PCDHGB6: variants seen among roughly 807,000 people sequenced by gnomAD.
The protein encoded by PCDHGB6 is protocadherin gamma-B6.
In PCDHGB6, 51 loss-of-function variants were observed where a neutral mutation model predicts 59.1. That is an observed-to-expected ratio of 0.86 (90% confidence interval 0.69 to 1.09). The LOEUF (loss-of-function observed/expected upper bound fraction) is 1.09. Ranked by LOEUF, PCDHGB6 falls within the 50% of genes least tolerant of loss-of-function variation. PCDHGB6 has a pLI of 0.00. For missense variants in PCDHGB6, 1,148 were observed against 1,205.1 expected, an observed-to-expected ratio of 0.95 and a Z score of 0.70; for synonymous variants, 466 against 495.1, an observed-to-expected ratio of 0.94 and a Z score of 0.78.
chr5:141,458,918 A>C (rs1173274380), intron 1 of PCDHGB6, among the ~76,000 whole-genome samples: 1 of 152,022 alleles, frequency 6.6e-6, no homozygotes, highest in Non-Finnish European at 1.5e-5. Context: ...TTTTTTGTGG[A>C]GACGGGGTCT....
rs199936765 is a variant in PCDHGB6 at position 141,408,488 on chromosome 5, T to G, written c.286T>G (p.Cys96Gly). Reference sequence around the variant, plus strand: ...GAACCGAATAGACCGTGAGCAAATATGCAAAGAGAGAAGAAGATGTGAGTT... The same window carrying G: ...GAACCGAATAGACCGTGAGCAAATAGGCAAAGAGAGAAGAAGATGTGAGTT... ...VKNRIDREQI[C>G]KERRRCELQL... The change falls in exon 1 of 4, where the codon TGC (cysteine) becomes GGC (glycine). Residue 96 changes from cysteine (C) to glycine (G), a missense_variant. By Grantham distance (159) the Cys-to-Gly change is radical. Around this residue, in one of 5 missense-constraint regions of PCDHGB6, gnomAD observed 307 missense variants for 323.8 expected, o/e 0.95. Transcript: ENST00000520790. 8.1e-5 allele frequency: 130 copies of G among 1,614,012 alleles called. No individual in the cohort carries two copies. The Middle Eastern group carries it at 1.8e-3, about 23-fold the overall frequency.
intron 1 of PCDHGB6, among the ~76,000 whole-genome samples, chr5:141,454,796 ATTTTTTTTTTT>A (rs61612330): frequency 0.01 from 775 of 77,498 alleles, 10 homozygotes; most frequent in African/African-American, 0.043. Context: ...CATGGTTCTA[ATTTTTTTTTTT>A]TTTTTTTTTT....
chr5:141,482,350 G>A lies in PCDHGB6; in HGVS notation c.2419-12457G>A, dbSNP rs184055854. ...AGAATATCTACTTTGCAAACTTGTT[G>A]TGAGAGTGAAAAGTAATGCATATAA... On this transcript the variant is annotated intron_variant, in intron 1 of 3. Coordinates refer to ENST00000520790, the MANE Select transcript of PCDHGB6 (RefSeq NM_018926.3). Among the ~76,000 whole-genome samples the A allele has an allele frequency of 5.3e-5, 8 of 152,200 alleles. No individual in the cohort carries two copies. In the East Asian group the frequency reaches 1.4e-3, roughly 26 times the overall value.
chr5:141,495,465 G>T (rs563411010), intron 2 of PCDHGB6, among the ~76,000 whole-genome samples: 11 of 152,298 alleles, frequency 7.2e-5, no homozygotes, highest in African/African-American at 2.4e-4. Flanking sequence ...TGTCTGTGGG[G>T]TCTCCGTGTC....
chr5:141,427,398 A>T (rs1040184910), intron 1 of PCDHGB6: 8 of 460,774 alleles, frequency 1.7e-5, no homozygotes, highest in Non-Finnish European at 3.5e-5. Context: ...AACACATGAT[A>T]AAGATTCGAG....
At chr5:141,437,426 C>G (rs531265278) in intron 1 of PCDHGB6, among the ~76,000 whole-genome samples, 2 of 152,150 alleles carry the variant, frequency 1.3e-5, no homozygotes, top group Non-Finnish European at 2.9e-5. Context: ...CTTTTTGAAG[C>G]AGCAATAGCA....
At chr5:141,414,414 C>T (rs376404716) in intron 1 of PCDHGB6, 4 of 1,613,830 alleles carry the variant, frequency 2.5e-6, no homozygotes, top group South Asian at 1.1e-5. Context: ...TACACAGAGC[C>T]CTTGACAGGG....
At chr5:141,505,106 G>A (rs934779049) in intron 2 of PCDHGB6, among the ~76,000 whole-genome samples, 1 of 152,188 alleles carries the variant, frequency 6.6e-6, no homozygotes, top group Non-Finnish European at 1.5e-5. Context: ...ATGTTGCAAT[G>A]AGCCAAGATC....
Position 141,412,979 on chromosome 5 carries a change from C to G in PCDHGB6, c.2418+2359C>G, listed in dbSNP as rs2154544283. ...CACCTACTAGGAGAGAAAACGCAGCCAGAGCTCAATCCGGATTCTCAGGGC... is the reference window on the plus strand; with the variant it reads ...CACCTACTAGGAGAGAAAACGCAGCGAGAGCTCAATCCGGATTCTCAGGGC... On this transcript the variant is annotated intron_variant, in intron 1 of 3. Coordinates refer to ENST00000520790, the MANE Select transcript of PCDHGB6 (RefSeq NM_018926.3). 5.5e-6 allele frequency: 3 copies of G among 542,930 alleles called. No individual in the cohort carries two copies. In the East Asian group the frequency reaches 9.2e-5, roughly 17 times the overall value. 33.6% of individuals were successfully genotyped at this position (542,930 alleles called of 1,614,324 possible). A position where few individuals can be genotyped will look rare whatever the true frequency, so the allele number is the denominator to read the frequency against.
In PCDHGB6 at chr5:141,487,747, CTA is replaced by C. The variant is rs2099663990; in HGVS notation, c.2419-7058_2419-7057del. 1 of 1,558,062 alleles carries C rather than the reference CTA, an allele frequency of 6.4e-7. No individual in the cohort carries two copies. The highest frequency in any genetic ancestry group is 2.4e-5 in the East Asian group (1 of 41,708). On this transcript the variant is annotated intron_variant, in intron 1 of 3. Coordinates refer to ENST00000520790, the MANE Select transcript of PCDHGB6 (RefSeq NM_018926.3). This position sits in a 1 kb window ranked among gnomAD's most constrained non-coding sequence, Gnocchi z 5.0. ...ATGTCACCATTTTTGTAAGAGGTAA[CTA>C]TGTGGTAGACGCTGTGCTTTGTAAC... is the stretch of plus-strand genomic sequence containing the variant.
At chr5:141,428,145 A>T (rs748256830) in intron 1 of PCDHGB6, 11 of 1,592,456 alleles carry the variant, frequency 6.9e-6, no homozygotes, top group Non-Finnish European at 8.6e-7. Flanking sequence ...GGGGCTGCAC[A>T]CGGGAACCTG....
chr5:141,409,613 A>G lies in PCDHGB6; in HGVS notation c.1411A>G (p.Ile471Val), dbSNP rs370495173. Residue 471 changes from isoleucine to valine, a missense_variant, in exon 1 of 4, where the codon ATT (isoleucine) becomes GTT (valine). Physicochemically the swap from Ile to Val is conservative, Grantham distance 29. Around this residue, in one of 5 missense-constraint regions of PCDHGB6, gnomAD observed 549 missense variants for 527.5 expected, o/e 1.04. Coordinates refer to ENST00000520790, the MANE Select transcript of PCDHGB6 (RefSeq NM_018926.3). Reference sequence around the variant, plus strand: ...CGAGAACAACCCGCCAGGAGCCTCCATTGCGCAAGTGAGCGCCTCTGACCC... The same window carrying G: ...CGAGAACAACCCGCCAGGAGCCTCCGTTGCGCAAGTGAGCGCCTCTGACCC... Reference protein sequence around the residue: ...VAENNPPGASIAQVSASDPDL... With the variant: ...VAENNPPGASVAQVSASDPDL... The G allele has an allele frequency of 8.4e-5, 136 of 1,613,856 alleles. No individual in the cohort carries two copies. Among genetic ancestry groups the G allele is most frequent in the Middle Eastern group, 8.2e-4 (5 of 6,062 alleles).
chr5:141,415,055 C>A (rs767474996), intron 1 of PCDHGB6: 1 of 1,613,402 alleles, frequency 6.2e-7, no homozygotes, highest in Non-Finnish European at 8.5e-7. Context: ...GGGGAGCACA[C>A]GGGCGAGGTG....
At chr5:141,428,613 CAAGAT>C (rs1385471747) in intron 1 of PCDHGB6, 1 of 212,608 alleles carries the variant, frequency 4.7e-6, no homozygotes, top group African/African-American at 2.3e-5. Flanking sequence ...AAGAGAATAA[CAAGAT>C]AAGCTCTAAC....
intron 3 of PCDHGB6, among the ~76,000 whole-genome samples, chr5:141,509,745 T>C (rs1456852988): frequency 6.6e-6 from 1 of 152,186 alleles, no homozygotes; most frequent in East Asian, 1.9e-4. Context: ...TCTGAGCCTG[T>C]GCCTAAAGTG....
Position 141,486,173 on chromosome 5 carries a change from T to C in PCDHGB6, c.2419-8634T>C. 1 of 1,614,220 alleles carries C rather than the reference T, an allele frequency of 6.2e-7. No homozygotes were observed. Among genetic ancestry groups the C allele is most frequent in the Non-Finnish European group, 8.5e-7 (1 of 1,180,042 alleles). ...GGGTTCTCCAGCCATGGAGCAACATTGCAGCCTTCGAGTGGATCTGCTGGA... is the reference window on the plus strand; with the variant it reads ...GGGTTCTCCAGCCATGGAGCAACATCGCAGCCTTCGAGTGGATCTGCTGGA... On this transcript the variant is annotated intron_variant, in intron 1 of 3. Transcript: ENST00000520790. The surrounding 1 kb of genome is among the most constrained non-coding windows in gnomAD (Gnocchi z 5.0).
intron 1 of PCDHGB6, among the ~76,000 whole-genome samples, chr5:141,454,266 C>T (rs2098785508): frequency 1.3e-5 from 2 of 152,132 alleles, no homozygotes; most frequent in African/African-American, 4.8e-5. Flanking sequence ...AAAGTAATGC[C>T]AGCAAAAACT....
rs1310227506 is a variant in PCDHGB6, at chr5:141,432,214, CCAGATCACTTATTCCCTGG to C, written c.2418+21596_2418+21614del. ...ACGACCCCGACTGTGAAGAGAACGC[CCAGATCACTTATTCCCTGG>C]CTGAGAACACCATCCAAGGGGCAAG... is the stretch of plus-strand genomic sequence containing the variant. On this transcript the variant is annotated intron_variant, in intron 1 of 3. Transcript: ENST00000520790. This position sits in a 1 kb window ranked among gnomAD's most constrained non-coding sequence, Gnocchi z 6.0. 3.1e-6 allele frequency: 5 copies of C among 1,614,236 alleles called. No homozygotes were observed. The highest frequency in any genetic ancestry group is 4.2e-6 in the Non-Finnish European group (5 of 1,180,050).
In PCDHGB6 at chr5:141,475,307, T is replaced by C. The variant is rs527879991; in HGVS notation, c.2419-19500T>C. The stretch of plus-strand genomic sequence containing the variant: ...GGTAGGGAAATTTCTTATTGCTCCC[T>C]GGTTCTTAAGAAATGAGAGCTAACA... On this transcript the variant is annotated intron_variant, in intron 1 of 3. Transcript: ENST00000520790. 2.8e-4 allele frequency among the ~76,000 whole-genome samples: 43 copies of C among 152,348 alleles called. 1 individual carries two copies. Among genetic ancestry groups the C allele is most frequent in the Admixed American group, 8.5e-4 (13 of 15,298 alleles).
Sources: gnomAD v4.1 joint callset for allele counts (sites outside exome capture counted in the v4.1 genomes callset) on GRCh38, gnomAD v4.1.1 for gene constraint, gnomAD v4.1.1 regional missense constraint, Gnocchi (gnomAD v3.1) non-coding constraint, MANE v1.5 for transcripts, NCBI Gene and HGNC (gene_info 2026-07-23, HGNC 2026-07-21) for gene names.